Variants in UNC13D observed in about 807,000 individuals in gnomAD.
UNC13D encodes unc-13 homolog D.
In UNC13D, 115 loss-of-function variants were observed where a neutral mutation model predicts 151.7. The ratio of observed to expected loss-of-function variants is 0.76; its 90% confidence interval spans 0.65 to 0.88. The LOEUF (loss-of-function observed/expected upper bound fraction) is 0.88. Ranked by LOEUF, UNC13D falls within the 40% of genes least tolerant of loss-of-function variation. The pLI is 0.00. For missense variants in UNC13D, 1,369 were observed against 1,438.7 expected (o/e 0.95, Z 0.78); for synonymous variants, 588 against 612.2 (o/e 0.96, Z 0.58).
At chr17:75,837,879 C>T (rs1002271890) in intron 12 of UNC13D, among the ~76,000 whole-genome samples, 3 of 152,112 alleles carry the variant, frequency 2.0e-5, no homozygotes, top group African/African-American at 4.8e-5. Context: ...AACGAGGTCC[C>T]GTGGGAGGGC....
chr17:75,834,903 C>A lies in UNC13D; in HGVS notation c.1992+17G>T, dbSNP rs571907723. 1 of 1,613,768 alleles carries A rather than the reference C, an allele frequency of 6.2e-7. No homozygotes were observed. Among genetic ancestry groups the A allele is most frequent in the Admixed American group, 1.7e-5 (1 of 60,002 alleles). ...TGTTCTAGAAAGAGGGGGAAGGACA[C>A]GTGGAAGATGCCGCACCTCCACAAA... On this transcript the variant is annotated intron_variant, in intron 21 of 31. Transcript: ENST00000207549.
intron 1 of UNC13D, chr17:75,843,801 G>C: frequency 7.2e-7 from 1 of 1,391,818 alleles, no homozygotes; most frequent in Non-Finnish European, 9.3e-7. Context: ...CTGCTTATCA[G>C]TGGCGGCTGC....
At chr17:75,843,796 T>G (rs2064966593) in intron 1 of UNC13D, 2 of 1,395,114 alleles carry the variant, frequency 1.4e-6, no homozygotes, top group Non-Finnish European at 1.9e-6. Context: ...CAGCTCTGCT[T>G]ATCAGTGGCG....
Position 75,827,713 on chromosome 17 carries a change from C to G in UNC13D, c.*252G>C, listed in dbSNP as rs1030352662. 1.3e-6 allele frequency: 2 copies of G among 1,516,514 alleles called. No individual in the cohort carries two copies. Among genetic ancestry groups the G allele is most frequent in the South Asian group, 2.4e-5 (2 of 82,466 alleles). The allele number at this position is 1,516,514 out of a possible 1,614,324, so 93.9% of individuals were successfully genotyped here. The stretch of plus-strand genomic sequence containing the variant: ...CGGGCAGGGGCAGGGTTTGCTCCCC[C>G]TGGTGCTGGGATGTGGTAGAGACAT... On this transcript the variant is annotated 3_prime_UTR_variant, in exon 32 of 32. Coordinates refer to ENST00000207549, the MANE Select transcript of UNC13D (RefSeq NM_199242.3).
chr17:75,829,107 TG>T, intron 30 of UNC13D, 124 bp from the exon 31 acceptor site: 1 of 1,250,122 alleles, frequency 8.0e-7, no homozygotes, highest in East Asian at 2.6e-5. Context: ...GCTCTCAGCC[TG>T]GCACCTCTCA....
chr17:75,839,973 C>T lies in UNC13D; in HGVS notation c.952-31G>A, dbSNP rs780479437. On this transcript the variant is annotated intron_variant, in intron 11 of 31. Coordinates refer to ENST00000207549, the MANE Select transcript of UNC13D (RefSeq NM_199242.3). ...GGGAGCAGGTGGAGGAGTGTCAGGA[C>T]CTGAAGGGCAGCCCCGGCTGCGCCC... 5.0e-6 allele frequency: 8 copies of T among 1,613,558 alleles called. No homozygotes were observed. In the Admixed American group the frequency reaches 6.7e-5, roughly 13 times the overall value.
intron 6 of UNC13D, among the ~76,000 whole-genome samples, chr17:75,841,472 C>T (rs1243318808): frequency 7.7e-6 from 1 of 129,582 alleles, no homozygotes; most frequent in Non-Finnish European, 1.6e-5. Flanking sequence ...GACAGAGTCT[C>T]ACTCTGTCAC....
At position 75,842,541 on chromosome 17, in the gene UNC13D, C is replaced by T. The variant is rs772954576; in HGVS notation, c.461G>A (p.Arg154Gln). 7 of 1,612,388 alleles carry T rather than the reference C, an allele frequency of 4.3e-6. No homozygotes were observed. The highest frequency in any genetic ancestry group is 4.0e-5 in the African/African-American group (3 of 74,916). Reference protein sequence around the residue: ...VGVPGGSPGSRHRQKAVVRHT... With the variant: ...VGVPGGSPGSQHRQKAVVRHT... Reference sequence around the variant, plus strand: ...CCTCACCACAGCCTTCTGCCGATGCCGGGACCCGGGGCTGCCCCCTGGCAC... The same window carrying T: ...CCTCACCACAGCCTTCTGCCGATGCTGGGACCCGGGGCTGCCCCCTGGCAC... Residue 154 changes from arginine (R) to glutamine (Q), a missense_variant, in exon 6 of 32, where the codon CGG becomes CAG. Physicochemically the swap from Arg to Gln is conservative, Grantham distance 43. Transcript: ENST00000207549.
Position 75,840,216 on chromosome 17 carries a change from C to T in UNC13D, c.858+9G>A. 4 of 1,613,870 alleles carry T rather than the reference C, an allele frequency of 2.5e-6. No individual in the cohort carries two copies. Among genetic ancestry groups the T allele is most frequent in the Non-Finnish European group, 3.4e-6 (4 of 1,179,996 alleles). On this transcript the variant is annotated intron_variant, in intron 10 of 31. Transcript: ENST00000207549. The surrounding 1 kb of genome is among the most constrained non-coding windows in gnomAD (Gnocchi z 4.6). ...CTGGGCATGGCCACTGGCCCAGTAC[C>T]CGACCTACCCGCTTATGGATGAGTT...
At position 75,840,836 on chromosome 17, in the gene UNC13D, A is replaced by G; in HGVS notation, c.615-6T>C. On this transcript the variant is annotated splice_region_variant and splice_polypyrimidine_tract_variant and intron_variant, in intron 7 of 31. Coordinates refer to ENST00000207549, the MANE Select transcript of UNC13D (RefSeq NM_199242.3). The surrounding 1 kb of genome is among the most constrained non-coding windows in gnomAD (Gnocchi z 4.6). ...ACTCCACAGTGTCCAGGTCCCTGGC[A>G]GGACAGAGGTTTGAGAAGGAAGCAG... The G allele has an allele frequency of 6.2e-7, 1 of 1,614,104 alleles. No individual in the cohort carries two copies. The highest frequency in any genetic ancestry group is 8.5e-7 in the Non-Finnish European group (1 of 1,180,034).
At chr17:75,830,700 C>T (rs200549104) in intron 27 of UNC13D, 39 bp from the exon 28 acceptor site, 27 of 1,550,424 alleles carry the variant, frequency 1.7e-5, no homozygotes, top group South Asian at 1.7e-4. Flanking sequence ...CTGGACTGCA[C>T]GCCCAACCAC....
intron 6 of UNC13D, chr17:75,841,230 T>A: frequency 2.0e-6 from 1 of 499,756 alleles, no homozygotes. Flanking sequence ...CTGCAACCTC[T>A]GCCTCCTGGG....
Position 75,835,651 on chromosome 17 carries a change from C to CT in UNC13D, c.1722dup (p.Glu575ArgfsTer10), listed in dbSNP as rs2064903027. 6.2e-7 allele frequency: 1 copy of CT among 1,613,316 alleles called. No individual in the cohort carries two copies. The highest frequency in any genetic ancestry group is 2.2e-5 in the East Asian group (1 of 44,888). Reference sequence around the variant, plus strand: ...CACAATTGGCCTGCTGCCCACCTCTCTGAGGAGCTCATGCGCAGCTGGCAG... The same window carrying CT: ...CACAATTGGCCTGCTGCCCACCTCTCTTGAGGAGCTCATGCGCAGCTGGCAG... On this transcript the variant is annotated frameshift_variant, in exon 19 of 32. Coordinates refer to ENST00000207549, the MANE Select transcript of UNC13D (RefSeq NM_199242.3). LOFTEE classifies it high-confidence loss of function.
In UNC13D at chr17:75,840,548, C is replaced by T. The variant is rs1370489907; in HGVS notation, c.712G>A (p.Gly238Ser). Residue 238 changes from glycine (G) to serine (S), a missense_variant, in exon 9 of 32, where the codon GGC becomes AGC. Coordinates refer to ENST00000207549, the MANE Select transcript of UNC13D (RefSeq NM_199242.3). The surrounding 1 kb of genome is among the most constrained non-coding windows in gnomAD (Gnocchi z 4.6). Reference protein sequence around the residue: ...RIFKEARKDKGQDDFLGNVVL... With the variant: ...RIFKEARKDKSQDDFLGNVVL... The stretch of plus-strand genomic sequence containing the variant: ...ACGTTCCCCAGAAAGTCGTCCTGGC[C>T]TTTGTCCTTCCGGGCCTCTTTAAAG... The T allele has an allele frequency of 1.2e-6, 2 of 1,614,120 alleles. No individual in the cohort carries two copies. The highest frequency in any genetic ancestry group is 3.3e-4 in the Middle Eastern group (2 of 6,062).
chr17:75,841,442 C>CCCCACTAA (rs2064948801), intron 6 of UNC13D, among the ~76,000 whole-genome samples: 1 of 110,402 alleles, frequency 9.1e-6, no homozygotes, highest in African/African-American at 3.7e-5. Flanking sequence ...CGCGCCCAGC[C>CCCCACTAA]TTTTTTTTTT....
intron 12 of UNC13D, 138 bp downstream of exon 12, chr17:75,839,701 T>C (rs2064933599): frequency 1.1e-6 from 1 of 945,064 alleles, no homozygotes; most frequent in South Asian, 1.4e-5. Context: ...AATTGGCAAC[T>C]GATTCAAAAC....
In UNC13D at chr17:75,833,022, G is replaced by T; in HGVS notation, c.2391C>A (p.Phe797Leu). Reference sequence around the variant, plus strand: ...TCATGTAGCAAAGCTCCACCTCCAGGAACTTCATCAGGGGCAGAATGGCCT... The same window carrying T: ...TCATGTAGCAAAGCTCCACCTCCAGTAACTTCATCAGGGGCAGAATGGCCT... Reference protein sequence around the residue: ...PEDAILPLMKFLEVELCYMNT... With the variant: ...PEDAILPLMKLLEVELCYMNT... Residue 797 changes from phenylalanine to leucine, a missense_variant, in exon 25 of 32, where the codon TTC (phenylalanine) becomes TTA (leucine). Around this residue, in one of 3 missense-constraint regions of UNC13D, gnomAD observed 807 missense variants for 795.5 expected, o/e 1.01. Coordinates refer to ENST00000207549, the MANE Select transcript of UNC13D (RefSeq NM_199242.3). The surrounding 1 kb of genome is among the most constrained non-coding windows in gnomAD (Gnocchi z 4.0). 1 of 1,605,582 alleles carries T rather than the reference G, an allele frequency of 6.2e-7. No individual in the cohort carries two copies.
chr17:75,843,321 C>A, intron 2 of UNC13D, 55 bp from the exon 3 acceptor site: 2 of 1,596,700 alleles, frequency 1.3e-6, no homozygotes, highest in Non-Finnish European at 8.5e-7. Flanking sequence ...GGCACCAACA[C>A]CTCTCGCCAT....
intron 12 of UNC13D, among the ~76,000 whole-genome samples, chr17:75,839,561 G>A (rs1262147544): frequency 2.6e-5 from 4 of 152,152 alleles, no homozygotes; most frequent in Admixed American, 2.0e-4. Flanking sequence ...CCGGGCAGGA[G>A]TGTTGGTGTG....
Sources: gnomAD v4.1 joint callset for allele counts (sites outside exome capture counted in the v4.1 genomes callset) on GRCh38, gnomAD v4.1.1 for gene constraint, gnomAD v4.1.1 regional missense constraint, Gnocchi (gnomAD v3.1) non-coding constraint, MANE v1.5 for transcripts, NCBI Gene and HGNC (gene_info 2026-07-23, HGNC 2026-07-21) for gene names.